The following DYNLT2B variants were observed in gnomAD, a reference collection of about 807,000 sequenced individuals.
The protein encoded by DYNLT2B is dynein light chain Tctex-type protein 2B.
In DYNLT2B, 14 loss-of-function variants were observed where a neutral mutation model predicts 19.5. That is an observed-to-expected ratio of 0.72 (90% confidence interval 0.47 to 1.12). DYNLT2B has a LOEUF of 1.12. DYNLT2B is among the 50% of genes most tolerant of loss of function. The pLI is 0.00. For synonymous variants in DYNLT2B, 70 were observed against 59.7 expected, an observed-to-expected ratio of 1.17 and a Z score of -0.79; for missense variants, 133 against 174.7, an observed-to-expected ratio of 0.76 and a Z score of 1.35.
chr3:196,300,380 C>T (rs1434989572), intron 3 of DYNLT2B, among the ~76,000 whole-genome samples: 1 of 152,102 alleles, frequency 6.6e-6, no homozygotes, highest in Non-Finnish European at 1.5e-5. Context: ...TAGAGGCCTG[C>T]AGAGGCCTAA....
chr3:196,317,182 T>TG (rs1553842955), intron 1 of DYNLT2B, among the ~76,000 whole-genome samples: 1 of 48,412 alleles, frequency 2.1e-5, no homozygotes, highest in Admixed American at 2.5e-4. Context: ...TGTGTGTGTG[T>TG]TGTGTGTGTG....
chr3:196,312,515 G>A (rs1181164966), intron 2 of DYNLT2B, among the ~76,000 whole-genome samples: 1 of 152,124 alleles, frequency 6.6e-6, no homozygotes, highest in Non-Finnish European at 1.5e-5. Flanking sequence ...CTGGAGTGCA[G>A]TGGCACTATC....
chr3:196,314,936 A>C (rs931129249), intron 2 of DYNLT2B, among the ~76,000 whole-genome samples: 1 of 152,186 alleles, frequency 6.6e-6, no homozygotes, highest in Non-Finnish European at 1.5e-5. Flanking sequence ...GGGTTGAGTA[A>C]GGGAAGTAGC....
At chr3:196,308,473 T>C (rs144830365) in intron 2 of DYNLT2B, among the ~76,000 whole-genome samples, 170 of 152,342 alleles carry the variant, frequency 1.1e-3, no homozygotes, top group African/African-American at 4.0e-3. Flanking sequence ...AGAAACTACG[T>C]TGCTAAAGCA....
intron 2 of DYNLT2B, among the ~76,000 whole-genome samples, chr3:196,311,709 A>C (rs11918804): frequency 0.066 from 9,929 of 151,178 alleles, 378 homozygotes; most frequent in South Asian, 0.12. Context: ...TTTGAGACAG[A>C]GTCTCGCTCT....
chr3:196,310,908 T>C (rs1726622219), intron 2 of DYNLT2B, among the ~76,000 whole-genome samples: 1 of 151,914 alleles, frequency 6.6e-6, no homozygotes, highest in South Asian at 2.1e-4. Flanking sequence ...GCTAATTCTT[T>C]GTATTTCAGT....
At chr3:196,315,965 A>T in intron 2 of DYNLT2B, 133 bp downstream of exon 2, 1 of 935,474 alleles carries the variant, frequency 1.1e-6, no homozygotes, top group Non-Finnish European at 1.6e-6. Context: ...TTGGCATGCT[A>T]AAGTGTTGGG....
chr3:196,309,485 G>A (rs559779162), intron 2 of DYNLT2B, among the ~76,000 whole-genome samples: 12 of 151,808 alleles, frequency 7.9e-5, no homozygotes, highest in Admixed American at 2.0e-4. Context: ...GGTTGTTCTC[G>A]AACTCCTGAC....
chr3:196,303,917 G>C (rs1283843812), intron 3 of DYNLT2B, among the ~76,000 whole-genome samples: 1 of 152,054 alleles, frequency 6.6e-6, no homozygotes, highest in East Asian at 1.9e-4. Flanking sequence ...CAGTGTTTTG[G>C]GAAGCCGAGG....
intron 2 of DYNLT2B, among the ~76,000 whole-genome samples, chr3:196,313,047 GA>G (rs890263894): frequency 1.3e-5 from 2 of 152,048 alleles, no homozygotes; most frequent in African/African-American, 4.8e-5. Flanking sequence ...CAATGAAAAT[GA>G]CATGGTCAAG....
intron 4 of DYNLT2B, among the ~76,000 whole-genome samples, chr3:196,295,063 T>C (rs1014886781): frequency 1.3e-5 from 2 of 151,972 alleles, no homozygotes; most frequent in Non-Finnish European, 2.9e-5. Flanking sequence ...ATTTACTCAA[T>C]CTAGTTTCTG....
At chr3:196,294,880 G>A (rs535676375) in intron 4 of DYNLT2B, among the ~76,000 whole-genome samples, 5 of 152,032 alleles carry the variant, frequency 3.3e-5, no homozygotes, top group South Asian at 2.1e-4. Context: ...GATTACAGGC[G>A]TGCACCACCA....
In DYNLT2B at chr3:196,296,072, A is replaced by T. The variant is rs1726215859; in HGVS notation, c.318-3T>A. 6.2e-7 allele frequency: 1 copy of T among 1,613,460 alleles called. No individual in the cohort carries two copies. ...CCCAGAAACAGCGAGAAGCCATGCT[A>T]AAAAATCCAAGAATGAAGAATTATC... On this transcript the variant is annotated splice_region_variant and splice_polypyrimidine_tract_variant and intron_variant, in intron 3 of 4. Transcript: ENST00000325318.
intron 2 of DYNLT2B, among the ~76,000 whole-genome samples, chr3:196,310,804 C>T (rs1156426801): frequency 6.6e-6 from 1 of 151,866 alleles, no homozygotes; most frequent in Non-Finnish European, 1.5e-5. Flanking sequence ...GGGGCGATCT[C>T]GGCTCACTGC....
chr3:196,310,574 A>G (rs60336404), intron 2 of DYNLT2B, among the ~76,000 whole-genome samples: 48,380 of 150,500 alleles, frequency 0.32, 8,822 homozygotes, highest in East Asian at 0.83. Context: ...GATTACAGGC[A>G]CGCACCACCA....
Position 196,294,906 on chromosome 3 carries a change from T to G in DYNLT2B, c.381+1100A>C, listed in dbSNP as rs188156867. The stretch of plus-strand genomic sequence containing the variant: ...TGCACCACCACACCCGGCTAATTTT[T>G]TGTGTGTGTGTTTTTAGCAGAGAAG... On this transcript the variant is annotated intron_variant, in intron 4 of 4. Transcript: ENST00000325318. 1.0e-3 allele frequency among the ~76,000 whole-genome samples: 157 copies of G among 151,706 alleles called. 1 individual carries two copies. The highest frequency in any genetic ancestry group is 8.8e-3 in the East Asian group (45 of 5,138).
intron 1 of DYNLT2B, 60 bp downstream of exon 1, chr3:196,317,980 G>T: frequency 1.9e-6 from 2 of 1,070,674 alleles, no homozygotes; most frequent in Non-Finnish European, 1.3e-6. Flanking sequence ...TCCCAGGCGA[G>T]CTCCGCCCCT....
At chr3:196,308,178 G>C (rs1726543973) in intron 2 of DYNLT2B, among the ~76,000 whole-genome samples, 1 of 151,556 alleles carries the variant, frequency 6.6e-6, no homozygotes, top group Admixed American at 6.6e-5. Context: ...CAGGAACACA[G>C]AGCCAGTGGG....
chr3:196,297,885 A>G (rs1726262060), intron 3 of DYNLT2B, among the ~76,000 whole-genome samples: 1 of 152,252 alleles, frequency 6.6e-6, no homozygotes, highest in Non-Finnish European at 1.5e-5. Flanking sequence ...AAGGTCTCAC[A>G]TATTTATTAC....
Sources: allele counts gnomAD v4.1 joint callset (sites outside exome capture counted in the v4.1 genomes callset), GRCh38; gene constraint gnomAD v4.1.1; transcripts MANE v1.5; gene names NCBI Gene and HGNC (gene_info 2026-07-23, HGNC 2026-07-21).